SGK1: variants seen among roughly 807,000 people sequenced by gnomAD.
SGK1 encodes serine/threonine-protein kinase Sgk1.
A neutral mutation model predicts 64.2 loss-of-function variants in SGK1; 26 were observed. The observed-to-expected ratio is 0.40, with a 90% CI of 0.30 to 0.56. SGK1 has a LOEUF of 0.56. Ranked by LOEUF, SGK1 falls within the 20% of genes least tolerant of loss-of-function variation. SGK1 has a pLI of 0.38. For missense variants in SGK1, 519 were observed against 645.6 expected (o/e 0.80, Z 2.12); for synonymous variants, 265 against 239.7 (o/e 1.11, Z -0.98).
chr6:134,189,999 G>A (rs1384694500), intron 3 of SGK1, among the ~76,000 whole-genome samples: 7 of 151,094 alleles, frequency 4.6e-5, no homozygotes, highest in Admixed American at 2.0e-4. Context: ...ACAAGCACGC[G>A]CCACCATGCC....
At chr6:134,270,032 CT>C (rs1269562163) in intron 1 of SGK1, among the ~76,000 whole-genome samples, 2 of 147,750 alleles carry the variant, frequency 1.4e-5, no homozygotes, top group East Asian at 4.9e-4. Context: ...AGCAATTCTC[CT>C]GCTTCAGCCT....
chr6:134,261,126 A>C (rs1284872540), intron 2 of SGK1: 2 of 152,246 alleles, frequency 1.3e-5, no homozygotes, highest in African/African-American at 4.8e-5. Flanking sequence ...TTTAAAAAAC[A>C]ACTCTTGGAG....
chr6:134,170,123 AAC>A lies in SGK1; in HGVS notation c.*143_*144del, dbSNP rs1338326073. ...TGTGCTCTTCAAAAAGCTTCCAGCG[AAC>A]AGTGTGCAATAAGATTGCTAAGCTT... On this transcript the variant is annotated 3_prime_UTR_variant, in exon 14 of 14. Transcript: ENST00000367858. The A allele has an allele frequency of 1.3e-5, 8 of 604,500 alleles. No individual in the cohort carries two copies. The highest frequency in any genetic ancestry group is 2.3e-5 in the Non-Finnish European group (8 of 355,392). The allele number at this position is 604,500 out of a possible 1,614,324, so 37.4% of individuals were successfully genotyped here.
Position 134,198,718 on chromosome 6 carries a change from CTTTTTCTA to C in SGK1, c.361+8630_361+8637del, listed in dbSNP as rs1438238867. On this transcript the variant is annotated intron_variant, in intron 3 of 13. Transcript: ENST00000367858. ...TAGTGATTTTTTTTCTTCTTTTTCT[CTTTTTCTA>C]TTTTTTTTTTTTTTTTTTTTGAAAA... Among the ~76,000 whole-genome samples, 46 of 105,400 alleles carry C rather than the reference CTTTTTCTA, an allele frequency of 4.4e-4. No individual in the cohort carries two copies. In the East Asian group the frequency reaches 8.4e-3, roughly 19 times the overall value. 69.1% of individuals were successfully genotyped at this position (105,400 alleles called of 152,430 possible). A position where few individuals can be genotyped will look rare whatever the true frequency, so the allele number is the denominator to read the frequency against.
intron 3 of SGK1, among the ~76,000 whole-genome samples, chr6:134,178,286 G>A (rs1562241783): frequency 6.6e-6 from 1 of 152,180 alleles, no homozygotes; most frequent in Non-Finnish European, 1.5e-5. Context: ...TTAACCGAGA[G>A]AATCAAGTTG....
At chr6:134,226,915 T>A (rs1250828119) in intron 2 of SGK1, among the ~76,000 whole-genome samples, 1 of 152,086 alleles carries the variant, frequency 6.6e-6, no homozygotes. Flanking sequence ...CTTGAACTCC[T>A]GGCCTCAAGC....
In SGK1 at chr6:134,172,538, A is replaced by C. The variant is rs191627528; in HGVS notation, c.947+124T>G. 5.4e-5 allele frequency: 43 copies of C among 792,500 alleles called. No homozygotes were observed. In the African/African-American group the frequency reaches 7.3e-4, roughly 13 times the overall value. The allele number at this position is 792,500 out of a possible 1,614,324, so 49.1% of individuals were successfully genotyped here. A position where few individuals can be genotyped will look rare whatever the true frequency, so the allele number is the denominator to read the frequency against. On this transcript the variant is annotated intron_variant, in intron 9 of 13. Coordinates refer to ENST00000367858, the MANE Select transcript of SGK1 (RefSeq NM_001143676.3). Reference sequence around the variant, plus strand: ...CTTAAGTCAAGCCAGCTCACGTGCTAGGGGATCTGGTTTTAGGCAACCAAG... The same window carrying C: ...CTTAAGTCAAGCCAGCTCACGTGCTCGGGGATCTGGTTTTAGGCAACCAAG...
intron 2 of SGK1, among the ~76,000 whole-genome samples, chr6:134,208,907 T>TACAC (rs1554220973): frequency 0.069 from 10,357 of 150,614 alleles, 544 homozygotes; most frequent in African/African-American, 0.14. Context: ...TATATATATA[T>TACAC]ACACACACAC....
intron 3 of SGK1, chr6:134,177,576 C>T: frequency 1.0e-6 from 1 of 992,084 alleles, no homozygotes; most frequent in Non-Finnish European, 1.6e-6. Flanking sequence ...AGACCCTCTC[C>T]TACACCCCAC....
chr6:134,224,792 G>A (rs922594277), intron 2 of SGK1, among the ~76,000 whole-genome samples: 3 of 151,950 alleles, frequency 2.0e-5, no homozygotes, highest in African/African-American at 7.2e-5. Context: ...GCAGGTCGAG[G>A]CAGGTGGATC....
chr6:134,249,464 C>T (rs759439476), intron 2 of SGK1: 2 of 152,224 alleles, frequency 1.3e-5, no homozygotes, highest in Non-Finnish European at 2.9e-5. Context: ...ACCTTACTAA[C>T]TTACTCATCC....
At chr6:134,210,855 G>T (rs1775877701) in intron 2 of SGK1, among the ~76,000 whole-genome samples, 1 of 148,346 alleles carries the variant, frequency 6.7e-6, no homozygotes. Context: ...GCCAGGCATG[G>T]TGGCTCACGC....
chr6:134,220,355 G>A (rs1265162363), intron 2 of SGK1, among the ~76,000 whole-genome samples: 4 of 152,112 alleles, frequency 2.6e-5, no homozygotes, highest in Non-Finnish European at 4.4e-5. Context: ...GACTCTGAGG[G>A]AGGCCAAGTG....
chr6:134,178,193 A>C (rs1297959243), intron 3 of SGK1, among the ~76,000 whole-genome samples: 1 of 152,202 alleles, frequency 6.6e-6, no homozygotes. Context: ...TGGTTGGAAA[A>C]GAAAGGGAAC....
chr6:134,269,547 A>G (rs1234861698), intron 1 of SGK1, among the ~76,000 whole-genome samples: 2 of 146,618 alleles, frequency 1.4e-5, no homozygotes. Context: ...AATCCCAGCT[A>G]CTAGGGAGGC....
chr6:134,297,295 G>T, intron 1 of SGK1: 1 of 1,270,404 alleles, frequency 7.9e-7, no homozygotes, highest in Non-Finnish European at 1.1e-6. Context: ...ACGTTCATCA[G>T]CTCCTGGTAC....
intron 2 of SGK1, among the ~76,000 whole-genome samples, chr6:134,220,816 T>C (rs1245299407): frequency 6.7e-6 from 1 of 148,150 alleles, no homozygotes; most frequent in Non-Finnish European, 1.5e-5. Context: ...ACGCCATCTC[T>C]ACTAAAAATA....
chr6:134,188,908 CT>C (rs34316759), intron 3 of SGK1, among the ~76,000 whole-genome samples: 1,691 of 110,124 alleles, frequency 0.015, 19 homozygotes, highest in African/African-American at 0.043. Flanking sequence ...ATTTCTTTTT[CT>C]TTTTTTTTTT....
Position 134,269,432 on chromosome 6 carries a change from G to T in SGK1, c.70-7284C>A, listed in dbSNP as rs979949718. Among the ~76,000 whole-genome samples, 3 of 147,608 alleles carry T rather than the reference G, an allele frequency of 2.0e-5. 1 individual carries two copies. The highest frequency in any genetic ancestry group is 4.5e-5 in the Non-Finnish European group (3 of 66,650). On this transcript the variant is annotated intron_variant, in intron 1 of 13. Coordinates refer to ENST00000367858, the MANE Select transcript of SGK1 (RefSeq NM_001143676.3). Reference sequence around the variant, plus strand: ...CCAGGTGAGGTGGAGGCCGAGGCAGGTGGATCATTTGAGGCCAGGTGTTAA... The same window carrying T: ...CCAGGTGAGGTGGAGGCCGAGGCAGTTGGATCATTTGAGGCCAGGTGTTAA...
Sources: allele counts gnomAD v4.1 joint callset (sites outside exome capture counted in the v4.1 genomes callset), GRCh38; gene constraint gnomAD v4.1.1; transcripts MANE v1.5; gene names NCBI Gene and HGNC (gene_info 2026-07-23, HGNC 2026-07-21).